The following TMEM169 variants were observed in gnomAD, a reference collection of about 807,000 sequenced individuals.
The protein encoded by TMEM169 is transmembrane protein 169.
A neutral mutation model predicts 27.3 loss-of-function variants in TMEM169; 18 were observed. The ratio of observed to expected loss-of-function variants is 0.66; its 90% confidence interval spans 0.46 to 0.98. The LOEUF (loss-of-function observed/expected upper bound fraction) is 0.98, where lower values mean the gene tolerates loss of function less well. Ranked by LOEUF, TMEM169 falls within the 50% of genes least tolerant of loss-of-function variation. The pLI, the probability that TMEM169 is intolerant of heterozygous loss-of-function variation, is 0.00. For missense variants in TMEM169, 320 were observed against 368.6 expected (o/e 0.87, Z 1.08); for synonymous variants, 136 against 142.1 (o/e 0.96, Z 0.30).
intron 1 of TMEM169, chr2:216,082,716 CT>C (rs1695895758): frequency 6.6e-6 from 1 of 152,332 alleles, no homozygotes; most frequent in African/African-American, 2.4e-5. Flanking sequence ...TTTCATCTTG[CT>C]TCCCGCTCTG....
intron 1 of TMEM169, among the ~76,000 whole-genome samples, chr2:216,090,792 ATT>A (rs1256959621): frequency 6.6e-6 from 1 of 152,198 alleles, no homozygotes; most frequent in Non-Finnish European, 1.5e-5. Context: ...TTCTTGGGTA[ATT>A]TGTTACATCA....
At chr2:216,094,438 GAA>G (rs1696213524) in intron 1 of TMEM169, among the ~76,000 whole-genome samples, 1 of 152,180 alleles carries the variant, frequency 6.6e-6, no homozygotes, top group African/African-American at 2.4e-5. Context: ...AATAAATGAA[GAA>G]GTCAGAGAAA....
intron 1 of TMEM169, among the ~76,000 whole-genome samples, chr2:216,084,126 C>T (rs1313290405): frequency 5.3e-5 from 8 of 152,136 alleles, no homozygotes; most frequent in African/African-American, 1.9e-4. Context: ...CTCCCCACAG[C>T]TCTGTCATAC....
chr2:216,093,876 A>G (rs759263245), intron 1 of TMEM169, among the ~76,000 whole-genome samples: 2 of 152,160 alleles, frequency 1.3e-5, no homozygotes, highest in Non-Finnish European at 2.9e-5. Flanking sequence ...ATTACCAAAG[A>G]TATATAAATT....
At chr2:216,093,475 T>C (rs914099915) in intron 1 of TMEM169, among the ~76,000 whole-genome samples, 17 of 152,196 alleles carry the variant, frequency 1.1e-4, no homozygotes, top group African/African-American at 4.1e-4. Flanking sequence ...TGGCTTTCAT[T>C]CTGCCCCTAG....
In TMEM169 at chr2:216,096,135, G is replaced by C. The variant is rs1163714792; in HGVS notation, c.172G>C (p.Asp58His). ...RPESIIIYRSDNEKTDEEPGE... is the reference protein window; with the variant it reads ...RPESIIIYRSHNEKTDEEPGE... Reference sequence around the variant, plus strand: ...AGAATCCATCATCATCTACCGCTCAGACAATGAGAAAACAGATGAGGAGCC... The same window carrying C: ...AGAATCCATCATCATCTACCGCTCACACAATGAGAAAACAGATGAGGAGCC... The change falls in exon 2 of 3, where the codon GAC becomes CAC. Residue 58 changes from aspartate (D) to histidine (H), a missense_variant. Asp to His is a moderately conservative substitution (Grantham distance 81). Transcript: ENST00000437356. 1.2e-6 allele frequency: 2 copies of C among 1,614,128 alleles called. No homozygotes were observed. The highest frequency in any genetic ancestry group is 2.2e-5 in the South Asian group (2 of 91,072).
rs141825588 is a variant in TMEM169 at position 216,083,125 on chromosome 2, A to G, written c.-127+1146A>G. On this transcript the variant is annotated intron_variant, in intron 1 of 2. Coordinates refer to ENST00000437356, the MANE Select transcript of TMEM169 (RefSeq NM_001142311.2). The stretch of plus-strand genomic sequence containing the variant: ...ACTTCTCCCTCTATCTTTGTTGCTG[A>G]CAGATTCAAATCTACACTCGTTAAA... Among the ~76,000 whole-genome samples, 459 of 151,940 alleles carry G rather than the reference A, an allele frequency of 3.0e-3. 3 individuals are homozygous for G. Among genetic ancestry groups the G allele is most frequent in the African/African-American group, 0.011 (437 of 41,420 alleles).
intron 2 of TMEM169, among the ~76,000 whole-genome samples, chr2:216,097,356 G>C (rs1574437625): frequency 1.3e-5 from 2 of 152,116 alleles, no homozygotes; most frequent in African/African-American, 4.8e-5. Context: ...AGGAGTTTGA[G>C]ACTGGCCAAC....
At chr2:216,097,422 A>G (rs1559228873) in intron 2 of TMEM169, among the ~76,000 whole-genome samples, 1 of 152,040 alleles carries the variant, frequency 6.6e-6, no homozygotes, top group Non-Finnish European at 1.5e-5. Flanking sequence ...GTGCTGGGGC[A>G]TGCCTGAGGT....
intron 1 of TMEM169, among the ~76,000 whole-genome samples, chr2:216,085,470 G>A (rs1279024661): frequency 6.6e-6 from 1 of 152,200 alleles, no homozygotes; most frequent in Non-Finnish European, 1.5e-5. Flanking sequence ...CAGCAAGAGT[G>A]GAAGCTGGAA....
At chr2:216,087,263 C>T (rs537427827) in intron 1 of TMEM169, among the ~76,000 whole-genome samples, 2 of 152,154 alleles carry the variant, frequency 1.3e-5, no homozygotes, top group Admixed American at 1.3e-4. Flanking sequence ...ATATTTTAGT[C>T]AGTAATGGCA....
At chr2:216,086,472 G>A (rs1696000817) in intron 1 of TMEM169, among the ~76,000 whole-genome samples, 1 of 152,096 alleles carries the variant, frequency 6.6e-6, no homozygotes, top group South Asian at 2.1e-4. Flanking sequence ...TTAAAGCCTT[G>A]GAAATTGGGT....
In TMEM169 at chr2:216,100,459, G is replaced by A; in HGVS notation, c.811G>A (p.Val271Met). The A allele has an allele frequency of 6.2e-7, 1 of 1,613,982 alleles. No individual in the cohort carries two copies. Among genetic ancestry groups the A allele is most frequent in the Non-Finnish European group, 8.5e-7 (1 of 1,180,010 alleles). The change falls in exon 3 of 3, where the codon GTG becomes ATG. Residue 271 changes from valine to methionine, a missense_variant. By Grantham distance (21) the Val-to-Met change is conservative. Coordinates refer to ENST00000437356, the MANE Select transcript of TMEM169 (RefSeq NM_001142311.2). ...GGAGGACTGTTCTCCCTACAGCATTGTGGAGTTGCTTGAATCCGACAATAT... is the reference window on the plus strand; with the variant it reads ...GGAGGACTGTTCTCCCTACAGCATTATGGAGTTGCTTGAATCCGACAATAT... Reference protein sequence around the residue: ...GLEDCSPYSIVELLESDNISS... With the variant: ...GLEDCSPYSIMELLESDNISS...
intron 1 of TMEM169, among the ~76,000 whole-genome samples, chr2:216,092,322 C>A (rs981036161): frequency 6.6e-6 from 1 of 152,180 alleles, no homozygotes; most frequent in African/African-American, 2.4e-5. Flanking sequence ...CCAACCAAAT[C>A]AAGAGTGTCG....
At chr2:216,090,996 A>G (rs1304447740) in intron 1 of TMEM169, among the ~76,000 whole-genome samples, 1 of 152,218 alleles carries the variant, frequency 6.6e-6, no homozygotes, top group East Asian at 1.9e-4. Context: ...TTTGAAAGCC[A>G]TCATCAGAGT....
intron 1 of TMEM169, among the ~76,000 whole-genome samples, chr2:216,093,825 T>G (rs1696196764): frequency 6.6e-6 from 1 of 152,204 alleles, no homozygotes; most frequent in African/African-American, 2.4e-5. Flanking sequence ...TATTCTGGCA[T>G]TTTAAGAGAT....
In TMEM169 at chr2:216,100,683, T is replaced by G; in HGVS notation, c.*141T>G. 8.4e-7 allele frequency: 1 copy of G among 1,184,026 alleles called. No individual in the cohort carries two copies. 73.3% of individuals were successfully genotyped at this position (1,184,026 alleles called of 1,614,324 possible). Reference sequence around the variant, plus strand: ...GAGTCCATACTGATCAGTTTTACCATCTTGAGGGTTCCAGGAGGGCATGGA... The same window carrying G: ...GAGTCCATACTGATCAGTTTTACCAGCTTGAGGGTTCCAGGAGGGCATGGA... On this transcript the variant is annotated 3_prime_UTR_variant, in exon 3 of 3. Transcript: ENST00000437356.
At chr2:216,083,792 C>G (rs1418407873) in intron 1 of TMEM169, among the ~76,000 whole-genome samples, 1 of 152,190 alleles carries the variant, frequency 6.6e-6, no homozygotes, top group Non-Finnish European at 1.5e-5. Context: ...TTCAAGCGAT[C>G]TTTTGTTTAA....
At chr2:216,082,303 G>C (rs1695882578) in intron 1 of TMEM169, 1 of 154,576 alleles carries the variant, frequency 6.5e-6, no homozygotes, top group Non-Finnish European at 1.4e-5. Context: ...GCGGCTTTCA[G>C]ATCCTTTCAT....
Sources: gnomAD v4.1 joint callset for allele counts (sites outside exome capture counted in the v4.1 genomes callset) on GRCh38, gnomAD v4.1.1 for gene constraint, MANE v1.5 for transcripts, NCBI Gene and HGNC (gene_info 2026-07-23, HGNC 2026-07-21) for gene names.